The following PLEKHA3 variants were observed in gnomAD, a reference collection of about 807,000 sequenced individuals.
PLEKHA3 encodes pleckstrin homology domain containing A3.
PLEKHA3 carries 19 observed loss-of-function variants against 39.2 expected under a neutral mutation model. The ratio of observed to expected loss-of-function variants is 0.48; its 90% confidence interval spans 0.34 to 0.71. The LOEUF (loss-of-function observed/expected upper bound fraction) is 0.71. Among genes scored for constraint, PLEKHA3 ranks in the 30% least tolerant of loss-of-function variants. The pLI, the probability that PLEKHA3 is intolerant of heterozygous loss-of-function variation, is 0.01. For synonymous variants in PLEKHA3, 97 were observed against 118.6 expected, an observed-to-expected ratio of 0.82 and a Z score of 1.18; for missense variants, 253 against 359.5, an observed-to-expected ratio of 0.70 and a Z score of 2.40.
At position 178,510,430 on chromosome 2, in the gene PLEKHA3, T is replaced by C. The variant is rs372761718; in HGVS notation, c.*6543T>C. On this transcript the variant is annotated 3_prime_UTR_variant, in exon 8 of 8. Transcript: ENST00000234453. The stretch of plus-strand genomic sequence containing the variant: ...TACCTACCGCCAGTAGATGTAATAC[T>C]CTTAATACATGGAGTACAGAAATAG... The C allele has an allele frequency of 3.3e-5, 5 of 153,770 alleles. No homozygotes were observed. Among genetic ancestry groups the C allele is most frequent in the African/African-American group, 1.2e-4 (5 of 41,456 alleles). 9.5% of individuals were successfully genotyped at this position (153,770 alleles called of 1,614,324 possible). A position where few individuals can be genotyped will look rare whatever the true frequency, so the allele number is the denominator to read the frequency against.
In PLEKHA3 at chr2:178,485,776, T is replaced by C. The variant is rs764817579; in HGVS notation, c.157+19T>C. ...ATTAAAGGTAAGTGAATATACAGAA[T>C]TAGAGGAATTGGAGGTTAGATAGTC... On this transcript the variant is annotated intron_variant, in intron 2 of 7. Transcript: ENST00000234453. 6.4e-7 allele frequency: 1 copy of C among 1,561,902 alleles called. No individual in the cohort carries two copies. Among genetic ancestry groups the C allele is most frequent in the African/African-American group, 1.4e-5 (1 of 73,894 alleles).
At chr2:178,497,950 T>A (rs963907637) in intron 5 of PLEKHA3, among the ~76,000 whole-genome samples, 9 of 151,864 alleles carry the variant, frequency 5.9e-5, no homozygotes, top group East Asian at 1.9e-4. Flanking sequence ...GTTTTTTTTT[T>A]AAATAACATT....
intron 1 of PLEKHA3, among the ~76,000 whole-genome samples, chr2:178,484,545 C>T (rs1201260600): frequency 1.3e-5 from 2 of 152,136 alleles, no homozygotes; most frequent in African/African-American, 2.4e-5. Flanking sequence ...TCTCCCCTCT[C>T]GGCACTATCT....
intron 5 of PLEKHA3, among the ~76,000 whole-genome samples, chr2:178,498,957 T>C (rs1383590861): frequency 2.0e-5 from 3 of 152,054 alleles, no homozygotes; most frequent in Non-Finnish European, 4.4e-5. Flanking sequence ...AATTTGGTTT[T>C]CACTTTTGAA....
rs61729159 is a variant in PLEKHA3, at chr2:178,495,537, C to T, written c.492C>T (p.Asn164=). 17,110 of 1,614,024 alleles carry T rather than the reference C, an allele frequency of 0.011. 1,163 individuals are homozygous for T. The African/African-American group carries it at 0.17, about 16-fold the overall frequency. Residue 164 remains asparagine (N), a synonymous_variant, in exon 5 of 8, where the codon AAC becomes AAT. Coordinates refer to ENST00000234453, the MANE Select transcript of PLEKHA3 (RefSeq NM_019091.4). ...CTTCTCTGCTTAGTGCCACGTGTAA[C>T]ACATTCATCACAACGCTTGAGGAAT... ...EASSLLSATC[N]TFITTLEECV... is the part of the protein sequence containing the mutation.
chr2:178,487,292 C>G (rs1466978944), intron 2 of PLEKHA3, among the ~76,000 whole-genome samples: 1 of 152,104 alleles, frequency 6.6e-6, no homozygotes, highest in African/African-American at 2.4e-5. Flanking sequence ...GGGATTCTGG[C>G]TAAACTGACT....
chr2:178,480,878 G>T lies in PLEKHA3; in HGVS notation c.9G>T (p.Gly3=). 3 of 1,316,590 alleles carry T rather than the reference G, an allele frequency of 2.3e-6. No homozygotes were observed. Among genetic ancestry groups the T allele is most frequent in the East Asian group, 2.8e-5 (1 of 35,722 alleles). The allele number at this position is 1,316,590 out of a possible 1,614,324, so 81.6% of individuals were successfully genotyped here. A position where few individuals can be genotyped will look rare whatever the true frequency, so the allele number is the denominator to read the frequency against. Residue 3 remains glycine (G), a synonymous_variant, in exon 1 of 8, where the codon GGG becomes GGT. Transcript: ENST00000234453. ME[G]VLYKWTNYLT... ...GTGTGGGGCTCTGAAGCATGGAGGG[G>T]GTGTTGTACAAGTGGACCAACTATC...
rs775445592 is a variant in PLEKHA3, at chr2:178,507,783, T to C, written c.*3896T>C. 5.3e-5 allele frequency: 8 copies of C among 150,720 alleles called. No homozygotes were observed. Among genetic ancestry groups the C allele is most frequent in the Admixed American group, 2.0e-4 (3 of 14,820 alleles). The allele number at this position is 150,720 out of a possible 1,614,324, so 9.3% of individuals were successfully genotyped here. On this transcript the variant is annotated 3_prime_UTR_variant, in exon 8 of 8. Coordinates refer to ENST00000234453, the MANE Select transcript of PLEKHA3 (RefSeq NM_019091.4). ...TTTACAGGTCTGAAAATGTCTCTAC[T>C]CTTGATTGGTAGTTTGGAGTCTGGA... is the stretch of plus-strand genomic sequence containing the variant.
chr2:178,483,526 G>A (rs1685205049), intron 1 of PLEKHA3, among the ~76,000 whole-genome samples: 1 of 152,066 alleles, frequency 6.6e-6, no homozygotes, highest in Non-Finnish European at 1.5e-5. Context: ...TCACGTTGCT[G>A]CAAATTCTAA....
intron 1 of PLEKHA3, among the ~76,000 whole-genome samples, chr2:178,485,045 A>G (rs1685226862): frequency 6.6e-6 from 1 of 152,132 alleles, no homozygotes; most frequent in East Asian, 1.9e-4. Context: ...TTCATTTAGC[A>G]CTCATTGTGT....
At chr2:178,496,949 T>C (rs1290416637) in intron 5 of PLEKHA3, among the ~76,000 whole-genome samples, 1 of 151,886 alleles carries the variant, frequency 6.6e-6, no homozygotes, top group Non-Finnish European at 1.5e-5. Flanking sequence ...TCAAGCTAAG[T>C]TTTTAAATTT....
rs1465396713 is a variant in PLEKHA3 at position 178,480,987 on chromosome 2, C to T, written c.40+78C>T. Reference sequence around the variant, plus strand: ...AAGGCGGGTCGGGGCTCCTCTTCCTCCGTCTGGCCTCCGCGGACCCTCAGA... The same window carrying T: ...AAGGCGGGTCGGGGCTCCTCTTCCTTCGTCTGGCCTCCGCGGACCCTCAGA... On this transcript the variant is annotated intron_variant, in intron 1 of 7. Coordinates refer to ENST00000234453, the MANE Select transcript of PLEKHA3 (RefSeq NM_019091.4). The T allele has an allele frequency of 3.2e-6, 4 of 1,242,770 alleles. No homozygotes were observed. The African/African-American group carries it at 6.2e-5, about 19-fold the overall frequency. The allele number at this position is 1,242,770 out of a possible 1,614,324, so 77.0% of individuals were successfully genotyped here.
chr2:178,499,333 G>A (rs1406953571), intron 6 of PLEKHA3, 79 bp downstream of exon 6: 1 of 1,417,080 alleles, frequency 7.1e-7, no homozygotes, highest in South Asian at 1.3e-5. Flanking sequence ...TTAACAAGTG[G>A]TGTGGAATGT....
At chr2:178,502,359 A>G (rs967507) in intron 7 of PLEKHA3, 94,794 of 425,482 alleles carry the variant, frequency 0.22, 14,744 homozygotes, top group East Asian at 0.62. Flanking sequence ...AATGAAGGAA[A>G]GAAACCGGGA....
At chr2:178,485,319 G>A (rs949984870) in intron 1 of PLEKHA3, among the ~76,000 whole-genome samples, 3 of 152,158 alleles carry the variant, frequency 2.0e-5, no homozygotes, top group African/African-American at 4.8e-5. Flanking sequence ...TAGGAAAAGA[G>A]GGCAGTTATG....
rs1022808370 is a variant in PLEKHA3 at position 178,513,809 on chromosome 2, A to C, written c.*9922A>C. ...TACAGATAGTAAGGGTTAACCACCC[A>C]GATTTTTGTCAGATAATATATACAT... On this transcript the variant is annotated 3_prime_UTR_variant, in exon 8 of 8. Coordinates refer to ENST00000234453, the MANE Select transcript of PLEKHA3 (RefSeq NM_019091.4). 5.3e-5 allele frequency: 8 copies of C among 152,070 alleles called. No homozygotes were observed. Among genetic ancestry groups the C allele is most frequent in the Non-Finnish European group, 4.4e-5 (3 of 68,022 alleles). The allele number at this position is 152,070 out of a possible 1,614,324, so 9.4% of individuals were successfully genotyped here.
At chr2:178,482,634 G>A (rs1228616290) in intron 1 of PLEKHA3, among the ~76,000 whole-genome samples, 1 of 151,862 alleles carries the variant, frequency 6.6e-6, no homozygotes. Flanking sequence ...CCTAAGCATG[G>A]TGTTGTGGAA....
chr2:178,488,196 T>A (rs779157133), intron 2 of PLEKHA3, among the ~76,000 whole-genome samples: 1 of 152,242 alleles, frequency 6.6e-6, no homozygotes, highest in Non-Finnish European at 1.5e-5. Context: ...ACTTTGGCTA[T>A]CTTTCATGTT....
At chr2:178,495,382 G>A (rs1685425597) in intron 4 of PLEKHA3, 114 bp from the exon 5 acceptor site, 5 of 990,534 alleles carry the variant, frequency 5.0e-6, no homozygotes, top group Non-Finnish European at 7.4e-6. Context: ...AAATAAATTT[G>A]AACATAACAT....
Sources: allele counts gnomAD v4.1 joint callset (sites outside exome capture counted in the v4.1 genomes callset), GRCh38; gene constraint gnomAD v4.1.1; transcripts MANE v1.5; gene names NCBI Gene and HGNC (gene_info 2026-07-23, HGNC 2026-07-21).